Variants in GCLC observed in about 807,000 individuals in gnomAD.
The protein encoded by GCLC is glutamate--cysteine ligase catalytic subunit.
Under a neutral mutation model 81.5 loss-of-function variants are expected in GCLC, and 30 were observed. The ratio of observed to expected loss-of-function variants is 0.37; its 90% confidence interval spans 0.28 to 0.50. GCLC has a LOEUF of 0.50. Ranked by LOEUF, GCLC falls within the 20% of genes least tolerant of loss-of-function variation. The pLI, the probability that GCLC is intolerant of heterozygous loss-of-function variation, is 0.96. For missense variants in GCLC, 556 were observed against 777.4 expected (o/e 0.72, Z 3.39); for synonymous variants, 262 against 273.3 (o/e 0.96, Z 0.41).
chr6:53,521,789 C>T (rs547328), intron 2 of GCLC, among the ~76,000 whole-genome samples: 2,143 of 152,112 alleles, frequency 0.014, 52 homozygotes, highest in African/African-American at 0.047. Flanking sequence ...CTGGCTAACA[C>T]GGTGAAACCC....
At chr6:53,525,726 A>C (rs966281071) in intron 1 of GCLC, among the ~76,000 whole-genome samples, 4 of 152,198 alleles carry the variant, frequency 2.6e-5, no homozygotes, top group African/African-American at 9.7e-5. Context: ...AATGGGTTGC[A>C]GAGTGACCAA....
rs542285889 is a variant in GCLC, at chr6:53,544,427, G to C, written c.150+69C>G. 1.9e-6 allele frequency: 3 copies of C among 1,540,146 alleles called. No individual in the cohort carries two copies. In the East Asian group the frequency reaches 6.8e-5, roughly 35 times the overall value. On this transcript the variant is annotated intron_variant, in intron 1 of 15. Coordinates refer to ENST00000650454, the MANE Select transcript of GCLC (RefSeq NM_001498.4). ...GACCGCGATAGGGCCGGGGGCGTAG[G>C]GCAAGACAAAGGCAGCGCGGGCGGC...
At chr6:53,503,122 G>A (rs1337322103) in intron 12 of GCLC, 1 of 152,182 alleles carries the variant, frequency 6.6e-6, no homozygotes, top group Non-Finnish European at 1.5e-5. Context: ...GCCTTTGGGA[G>A]GCAATTGGGA....
At chr6:53,516,835 A>G (rs934638298) in intron 3 of GCLC, among the ~76,000 whole-genome samples, 1 of 152,144 alleles carries the variant, frequency 6.6e-6, no homozygotes, top group Non-Finnish European at 1.5e-5. Context: ...ACTTGACTTA[A>G]GGAGCTCTAA....
rs1764434863 is a variant in GCLC at position 53,498,811 on chromosome 6, C to T, written c.1859G>A (p.Gly620Glu). The change falls in exon 16 of 16, where the codon GGA becomes GAA. Residue 620 changes from glycine to glutamate, a missense_variant. Around this residue, in one of 3 missense-constraint regions of GCLC, gnomAD observed 313 missense variants for 437.3 expected, o/e 0.72. Coordinates refer to ENST00000650454, the MANE Select transcript of GCLC (RefSeq NM_001498.4). ...NELCECPELL[G>E]SAFRKVKYSG... ...ATATTTTACTTTCCTAAATGCTGAT[C>T]CAAGTAACTCTGGGCATTCACATAA... The T allele has an allele frequency of 6.2e-7, 1 of 1,613,444 alleles. No individual in the cohort carries two copies. Among genetic ancestry groups the T allele is most frequent in the Non-Finnish European group, 8.5e-7 (1 of 1,179,532 alleles).
chr6:53,502,747 A>C (rs563937719), intron 12 of GCLC, among the ~76,000 whole-genome samples: 10 of 152,210 alleles, frequency 6.6e-5, no homozygotes, highest in African/African-American at 2.4e-4. Context: ...GTTTAATAGG[A>C]TAGAGTTTAG....
chr6:53,532,879 A>G (rs1453138257), intron 1 of GCLC, among the ~76,000 whole-genome samples: 1 of 152,206 alleles, frequency 6.6e-6, no homozygotes, highest in African/African-American at 2.4e-5. Flanking sequence ...TTCAACTACT[A>G]AACTCTAACC....
intron 2 of GCLC, among the ~76,000 whole-genome samples, chr6:53,521,563 G>A (rs1762995291): frequency 6.6e-6 from 1 of 152,180 alleles, no homozygotes; most frequent in South Asian, 2.1e-4. Context: ...TTTCAATTCA[G>A]TGCTGCCCTC....
chr6:53,525,416 CG>C (rs1445595719), intron 1 of GCLC, among the ~76,000 whole-genome samples: 5 of 152,114 alleles, frequency 3.3e-5, no homozygotes, highest in Non-Finnish European at 7.4e-5. Context: ...ATTAAGACAA[CG>C]ATTTTCCAAT....
chr6:53,512,180 A>G (rs1764766424), intron 6 of GCLC, among the ~76,000 whole-genome samples: 1 of 151,874 alleles, frequency 6.6e-6, no homozygotes, highest in Non-Finnish European at 1.5e-5. Flanking sequence ...CCTGACCTCA[A>G]GTGATCTGCC....
chr6:53,500,554 TG>T (rs750853686), intron 12 of GCLC, 41 bp from the exon 13 acceptor site: 15 of 1,383,000 alleles, frequency 1.1e-5, no homozygotes, highest in African/African-American at 4.3e-5. Flanking sequence ...AAAATATTCT[TG>T]ATCAGACATA....
intron 4 of GCLC, among the ~76,000 whole-genome samples, chr6:53,515,568 T>C (rs915029524): frequency 6.6e-6 from 1 of 152,224 alleles, no homozygotes; most frequent in South Asian, 2.1e-4. Context: ...CAGATGAGCA[T>C]GCATTGTACA....
chr6:53,539,559 T>G (rs1763316939), intron 1 of GCLC, among the ~76,000 whole-genome samples: 1 of 152,192 alleles, frequency 6.6e-6, no homozygotes, highest in Admixed American at 6.5e-5. Flanking sequence ...ATTTCTAAAG[T>G]GGCAGCCTCT....
At chr6:53,522,999 A>C (rs995729576) in intron 1 of GCLC, among the ~76,000 whole-genome samples, 24 of 152,230 alleles carry the variant, frequency 1.6e-4, no homozygotes, top group African/African-American at 5.8e-4. Flanking sequence ...TCATAATCCC[A>C]CTACCAGTCC....
chr6:53,520,729 A>T (rs778872509), intron 3 of GCLC, 49 bp downstream of exon 3: 2 of 1,487,004 alleles, frequency 1.3e-6, no homozygotes, highest in Admixed American at 3.3e-5. Flanking sequence ...TCTTTTCATT[A>T]CCTGTATCTC....
At chr6:53,538,476 GCCA>G (rs1226584550) in intron 1 of GCLC, among the ~76,000 whole-genome samples, 1 of 151,914 alleles carries the variant, frequency 6.6e-6, no homozygotes, top group Non-Finnish European at 1.5e-5. Flanking sequence ...ACAGGTGCTC[GCCA>G]CCACACCTGG....
intron 12 of GCLC, among the ~76,000 whole-genome samples, chr6:53,504,682 G>A (rs12110920): frequency 0.016 from 2,486 of 152,236 alleles, 65 homozygotes; most frequent in African/African-American, 0.056. Context: ...CCCTCATGGA[G>A]GAAGGAGATG....
In GCLC at chr6:53,508,610, C is replaced by T; in HGVS notation, c.930G>A (p.Glu310=). 6.2e-7 allele frequency: 1 copy of T among 1,604,912 alleles called. No homozygotes were observed. Among genetic ancestry groups the T allele is most frequent in the Admixed American group, 1.7e-5 (1 of 60,008 alleles). Residue 310 remains glutamate, a synonymous_variant, in exon 8 of 16, where the codon GAG becomes GAA. Transcript: ENST00000650454. ...ISASVDDRTR[E]ERGLEPLKNN... ...CAATTCCCACCTCCAGTCCTCGCTC[C>T]TCCCGAGTTCTATCATCTACAGATG...
At chr6:53,540,530 A>G (rs986692822) in intron 1 of GCLC, among the ~76,000 whole-genome samples, 1 of 152,148 alleles carries the variant, frequency 6.6e-6, no homozygotes, top group Non-Finnish European at 1.5e-5. Flanking sequence ...AGGAACTGCT[A>G]ATCGGTGAGC....
Sources: allele counts gnomAD v4.1 joint callset (sites outside exome capture counted in the v4.1 genomes callset), GRCh38; gene constraint gnomAD v4.1.1; regional missense constraint gnomAD v4.1.1; transcripts MANE v1.5; gene names NCBI Gene and HGNC (gene_info 2026-07-23, HGNC 2026-07-21).